The following ADAMTS17 variants were observed in gnomAD, a reference collection of about 807,000 sequenced individuals.
ADAMTS17 encodes the protein A disintegrin and metalloproteinase with thrombospondin motifs 17.
A neutral mutation model predicts 141.5 loss-of-function variants in ADAMTS17; 113 were observed. That is an observed-to-expected ratio of 0.80 (90% CI 0.69 to 0.93). ADAMTS17 has a LOEUF of 0.93. Ranked by LOEUF, ADAMTS17 falls within the 40% of genes least tolerant of loss-of-function variation. ADAMTS17 has a pLI of 0.00. For missense variants in ADAMTS17, 1,659 were observed against 1,517.9 expected (o/e 1.09, Z -1.54); for synonymous variants, 768 against 630.6 (o/e 1.22, Z -3.27).
chr15:100,063,651 A>G, intron 15 of ADAMTS17: 3 of 1,289,200 alleles, frequency 2.3e-6, no homozygotes, highest in Non-Finnish European at 3.0e-6. Flanking sequence ...CAACACATAA[A>G]TGGTGAGTCA....
intron 18 of ADAMTS17, among the ~76,000 whole-genome samples, chr15:100,038,032 G>A (rs1359474690): frequency 1.3e-5 from 2 of 152,174 alleles, no homozygotes; most frequent in East Asian, 3.8e-4. Flanking sequence ...AAAGTGCTGG[G>A]AGTACAGGTG....
At chr15:100,108,180 T>C (rs1413050257) in intron 14 of ADAMTS17, among the ~76,000 whole-genome samples, 2 of 151,680 alleles carry the variant, frequency 1.3e-5, no homozygotes, top group East Asian at 1.9e-4. Flanking sequence ...TTCCTTTTTT[T>C]TTTCCCCCCG....
At position 100,341,103 on chromosome 15, in the gene ADAMTS17, C is replaced by A; in HGVS notation, c.386G>T (p.Gly129Val). The change falls in exon 2 of 22, where the codon GGC becomes GTC. Residue 129 changes from glycine to valine, a missense_variant. Transcript: ENST00000268070. Reference protein sequence around the residue: ...GRPAELCFYSGRVLGHPGSLV... With the variant: ...GRPAELCFYSVRVLGHPGSLV... ...GGAGCCGGGGTGGCCGAGCACACGGCCCGAGTAGAAGCACAGCTCGGCGGG... is the reference window on the plus strand; with the variant it reads ...GGAGCCGGGGTGGCCGAGCACACGGACCGAGTAGAAGCACAGCTCGGCGGG... 6.6e-7 allele frequency: 1 copy of A among 1,512,712 alleles called. No homozygotes were observed. Among genetic ancestry groups the A allele is most frequent in the Non-Finnish European group, 8.8e-7 (1 of 1,136,536 alleles). 93.7% of individuals were successfully genotyped at this position (1,512,712 alleles called of 1,614,324 possible).
rs374628573 is a variant in ADAMTS17, at chr15:100,116,831, T to C, written c.1888+16A>G. 10 of 1,613,898 alleles carry C rather than the reference T, an allele frequency of 6.2e-6. No homozygotes were observed. The highest frequency in any genetic ancestry group is 2.7e-5 in the African/African-American group (2 of 74,922). The stretch of plus-strand genomic sequence containing the variant: ...GACAGGAGGCTGCCATGCAAGGACA[T>C]GCCATATGCCTTTACCGTCAACCAC... On this transcript the variant is annotated intron_variant, in intron 13 of 21. Coordinates refer to ENST00000268070, the MANE Select transcript of ADAMTS17 (RefSeq NM_139057.4).
chr15:100,186,991 C>T (rs1218321871), intron 8 of ADAMTS17, among the ~76,000 whole-genome samples: 1 of 152,196 alleles, frequency 6.6e-6, no homozygotes, highest in African/African-American at 2.4e-5. Flanking sequence ...TGCTCTTCCA[C>T]AATTATCAAT....
intron 7 of ADAMTS17, among the ~76,000 whole-genome samples, chr15:100,251,406 T>C (rs376139689): frequency 1.4e-4 from 22 of 152,336 alleles, no homozygotes; most frequent in African/African-American, 3.4e-4. Flanking sequence ...AATGTGACTA[T>C]AGGTAGAGAG....
intron 8 of ADAMTS17, among the ~76,000 whole-genome samples, chr15:100,185,084 A>G (rs188526412): frequency 3.1e-3 from 479 of 152,322 alleles, no homozygotes; most frequent in African/African-American, 0.011. Flanking sequence ...AAAGCGCTAC[A>G]GTCTGTGGCA....
chr15:100,294,377 G>GA (rs1195970032), intron 3 of ADAMTS17, among the ~76,000 whole-genome samples: 1 of 152,220 alleles, frequency 6.6e-6, no homozygotes, highest in East Asian at 1.9e-4. Context: ...CAGGAGGCAT[G>GA]AAATAACTTC....
At chr15:100,047,676 G>A (rs149375444) in intron 18 of ADAMTS17, among the ~76,000 whole-genome samples, 3 of 152,104 alleles carry the variant, frequency 2.0e-5, no homozygotes, top group South Asian at 2.1e-4. Flanking sequence ...CTCCTCCATC[G>A]TCTCTTACCC....
At position 99,997,935 on chromosome 15, in the gene ADAMTS17, G is replaced by A. The variant is rs2060838263; in HGVS notation, c.2592-346C>T. Among the ~76,000 whole-genome samples, 1 of 152,190 alleles carries A rather than the reference G, an allele frequency of 6.6e-6. No individual in the cohort carries two copies. The highest frequency in any genetic ancestry group is 2.1e-4 in the South Asian group (1 of 4,824). On this transcript the variant is annotated intron_variant, in intron 18 of 21. Transcript: ENST00000268070. The surrounding 1 kb of genome is among the most constrained non-coding windows in gnomAD (Gnocchi z 4.7). ...ACAGGGTGTGAGTGAAGAGGATGCT[G>A]GCGGCGTCCCGGCAGAAGCTCTGAA...
chr15:100,078,215 C>A (rs1241806168), intron 15 of ADAMTS17, among the ~76,000 whole-genome samples: 1 of 141,778 alleles, frequency 7.1e-6, no homozygotes, highest in Admixed American at 7.1e-5. Context: ...AAAATCCCAG[C>A]TTTTTTTTTT....
intron 7 of ADAMTS17, among the ~76,000 whole-genome samples, chr15:100,245,115 A>T (rs1365819200): frequency 3.3e-5 from 5 of 152,016 alleles, no homozygotes; most frequent in African/African-American, 1.2e-4. Flanking sequence ...AACAAGAGAC[A>T]CTCCTTCTAC....
chr15:100,147,094 C>T (rs376881135), intron 10 of ADAMTS17, among the ~76,000 whole-genome samples: 10 of 152,094 alleles, frequency 6.6e-5, no homozygotes, highest in East Asian at 1.9e-4. Flanking sequence ...CACACCTATT[C>T]GCACACTCCC....
chr15:100,042,774 G>A (rs988821833), intron 18 of ADAMTS17, among the ~76,000 whole-genome samples: 1 of 152,162 alleles, frequency 6.6e-6, no homozygotes, highest in African/African-American at 2.4e-5. Context: ...GAGCGGGATG[G>A]TGTGAGATTT....
chr15:100,193,244 T>C (rs773835831), intron 8 of ADAMTS17, among the ~76,000 whole-genome samples: 2 of 152,226 alleles, frequency 1.3e-5, no homozygotes, highest in Non-Finnish European at 2.9e-5. Flanking sequence ...CTTTGCGCCA[T>C]GTCCTCCTTG....
At chr15:100,340,876 A>C (rs950019897) in intron 2 of ADAMTS17, 163 bp downstream of exon 2, 3 of 1,136,608 alleles carry the variant, frequency 2.6e-6, no homozygotes, top group Non-Finnish European at 3.7e-6. Flanking sequence ...AGGGTACCGA[A>C]GGCCGGGGTG....
chr15:100,239,987 C>G (rs918445832), intron 7 of ADAMTS17, among the ~76,000 whole-genome samples: 2 of 152,184 alleles, frequency 1.3e-5, no homozygotes, highest in African/African-American at 4.8e-5. Context: ...CTGTCTCTCC[C>G]CCAGTCACAG....
At chr15:100,187,405 G>A (rs1216831423) in intron 8 of ADAMTS17, among the ~76,000 whole-genome samples, 2 of 152,178 alleles carry the variant, frequency 1.3e-5, no homozygotes, top group East Asian at 3.9e-4. Context: ...CAGTCACTTT[G>A]TAGGAGTTGC....
intron 10 of ADAMTS17, among the ~76,000 whole-genome samples, chr15:100,135,695 A>G (rs2038295151): frequency 6.6e-6 from 1 of 152,270 alleles, no homozygotes; most frequent in Admixed American, 6.5e-5. Flanking sequence ...TATCCAAAAC[A>G]TGATTTAAAA....
Sources: gnomAD v4.1 joint callset for allele counts (sites outside exome capture counted in the v4.1 genomes callset) on GRCh38, gnomAD v4.1.1 for gene constraint, Gnocchi (gnomAD v3.1) non-coding constraint, MANE v1.5 for transcripts, NCBI Gene and HGNC (gene_info 2026-07-23, HGNC 2026-07-21) for gene names.